The following PTBP3 variants were observed in gnomAD, a reference collection of about 807,000 sequenced individuals.
PTBP3 encodes polypyrimidine tract-binding protein 3.
PTBP3 carries 20 observed loss-of-function variants against 58.7 expected under a neutral mutation model. That is an observed-to-expected ratio of 0.34 (90% CI 0.24 to 0.50). The LOEUF is 0.50. Ranked by LOEUF, PTBP3 falls within the 20% of genes least tolerant of loss-of-function variation. PTBP3 has a pLI of 0.98. For missense variants in PTBP3, 509 were observed against 637.2 expected (o/e 0.80, Z 2.17); for synonymous variants, 185 against 219.8 (o/e 0.84, Z 1.40).
At chr9:112,368,198 C>T in the PTBP3 span, among the ~76,000 whole-genome samples, 21 of 152,000 alleles carry the variant, frequency 1.4e-4, no homozygotes, top group African/African-American at 4.6e-4. Context: ...TGAGACAGAG[C>T]GTCATTCTGT....
At chr9:112,302,983 T>A (rs1829017332) in intron 1 of PTBP3, among the ~76,000 whole-genome samples, 1 of 152,200 alleles carries the variant, frequency 6.6e-6, no homozygotes. Flanking sequence ...TTTTTCTCAT[T>A]CGATAAACTG....
intron 2 of PTBP3, among the ~76,000 whole-genome samples, chr9:112,296,039 T>C (rs1828673375): frequency 1.3e-5 from 2 of 152,226 alleles, no homozygotes; most frequent in Non-Finnish European, 2.9e-5. Context: ...AATGGTTTTT[T>C]AGCTCATCAG....
At chr9:112,325,412 A>C (rs1348112989) in intron 1 of PTBP3, among the ~76,000 whole-genome samples, 1 of 152,112 alleles carries the variant, frequency 6.6e-6, no homozygotes, top group Non-Finnish European at 1.5e-5. Flanking sequence ...CTGAGGTGGA[A>C]GCCAGCTGGC....
At chr9:112,355,603 T>G in the PTBP3 span, among the ~76,000 whole-genome samples, 1 of 151,660 alleles carries the variant, frequency 6.6e-6, no homozygotes, top group African/African-American at 2.4e-5. Context: ...GATTACAAAA[T>G]GGCTAAGAAC....
At chr9:112,288,996 G>A (rs1287172318) in intron 2 of PTBP3, among the ~76,000 whole-genome samples, 2 of 152,144 alleles carry the variant, frequency 1.3e-5, no homozygotes, top group Admixed American at 1.3e-4. Flanking sequence ...GTTTTCCAAC[G>A]TTTGTTTTCT....
Position 112,221,451 on chromosome 9 carries a change from G to A in PTBP3, c.*2400C>T, listed in dbSNP as rs1834803477. On this transcript the variant is annotated 3_prime_UTR_variant, in exon 14 of 14. Coordinates refer to ENST00000374257, the MANE Select transcript of PTBP3 (RefSeq NM_001163788.4). Reference sequence around the variant, plus strand: ...TTATGCTGAATGTTATGAGAATCATGAATTAATAAATTACACAGTAATTCC... The same window carrying A: ...TTATGCTGAATGTTATGAGAATCATAAATTAATAAATTACACAGTAATTCC... The A allele has an allele frequency of 1.0e-6, 1 of 985,456 alleles. No individual in the cohort carries two copies. The highest frequency in any genetic ancestry group is 1.7e-5 in the African/African-American group (1 of 57,280). 61.0% of individuals were successfully genotyped at this position (985,456 alleles called of 1,614,324 possible). A position where few individuals can be genotyped will look rare whatever the true frequency, so the allele number is the denominator to read the frequency against.
In PTBP3 at chr9:112,297,867, G is replaced by A. The variant is rs2132314657; in HGVS notation, c.-2C>T. ...TGTAGAAGGAGTAGAACTATTCATG[G>A]TAAAAGGTCCGTTAATGATGCCAGA... On this transcript the variant is annotated 5_prime_UTR_variant, in exon 2 of 14. Transcript: ENST00000374257. 1.9e-6 allele frequency: 3 copies of A among 1,611,806 alleles called. No individual in the cohort carries two copies. Among genetic ancestry groups the A allele is most frequent in the African/African-American group, 1.3e-5 (1 of 74,748 alleles).
intron 3 of PTBP3, among the ~76,000 whole-genome samples, chr9:112,270,188 CCA>C (rs2132170218): frequency 6.6e-6 from 1 of 152,262 alleles, no homozygotes; most frequent in Admixed American, 6.5e-5. Context: ...GCGATCCACC[CCA>C]GTCGGCCTCC....
chr9:112,291,782 G>A (rs1348434994), intron 2 of PTBP3, among the ~76,000 whole-genome samples: 1 of 152,120 alleles, frequency 6.6e-6, no homozygotes, highest in African/African-American at 2.4e-5. Context: ...GAGACAAAGG[G>A]GGAAAGCTTC....
the PTBP3 span, among the ~76,000 whole-genome samples, chr9:112,340,590 CTCT>C: frequency 6.6e-6 from 1 of 152,116 alleles, no homozygotes; most frequent in African/African-American, 2.4e-5. Context: ...GTTTTAAAAT[CTCT>C]TGTTTAGGGC....
intron 5 of PTBP3, among the ~76,000 whole-genome samples, chr9:112,256,947 A>G (rs963502865): frequency 6.6e-6 from 1 of 152,168 alleles, no homozygotes; most frequent in Non-Finnish European, 1.5e-5. Context: ...GATGTAAAAT[A>G]TATCATTAGT....
Position 112,223,021 on chromosome 9 carries a change from ATTT to A in PTBP3, c.*827_*829del, listed in dbSNP as rs1309605397. On this transcript the variant is annotated 3_prime_UTR_variant, in exon 14 of 14. Coordinates refer to ENST00000374257, the MANE Select transcript of PTBP3 (RefSeq NM_001163788.4). ...AAAAAAGTAGTTTATAAGTAGGATT[ATTT>A]TTCTTTAAAATTTTCCAAGATCATA... The A allele has an allele frequency of 4.1e-5, 35 of 850,786 alleles. No homozygotes were observed. Among genetic ancestry groups the A allele is most frequent in the Non-Finnish European group, 1.1e-5 (8 of 707,314 alleles). 52.7% of individuals were successfully genotyped at this position (850,786 alleles called of 1,614,324 possible).
the PTBP3 span, among the ~76,000 whole-genome samples, chr9:112,377,456 AAGAT>A: frequency 6.6e-6 from 1 of 152,218 alleles, no homozygotes; most frequent in African/African-American, 2.4e-5. Flanking sequence ...GCATTCTAGA[AAGAT>A]CATGCTGCTG....
chr9:112,289,391 T>G (rs935351019), intron 2 of PTBP3, among the ~76,000 whole-genome samples: 1 of 152,128 alleles, frequency 6.6e-6, no homozygotes, highest in Admixed American at 6.5e-5. Context: ...ATTTAAGTTT[T>G]ATTTGATAAA....
intron 11 of PTBP3, among the ~76,000 whole-genome samples, chr9:112,228,022 A>C (rs1483820671): frequency 6.6e-6 from 1 of 152,206 alleles, no homozygotes; most frequent in Non-Finnish European, 1.5e-5. Context: ...TCATCATTAC[A>C]AAGTTTGCCC....
chr9:112,237,414 G>A (rs1365928633), intron 7 of PTBP3, among the ~76,000 whole-genome samples: 1 of 151,956 alleles, frequency 6.6e-6, no homozygotes, highest in African/African-American at 2.4e-5. Flanking sequence ...CACCATGATA[G>A]CAACCAAGGC....
At chr9:112,228,546 TA>T in intron 10 of PTBP3, 74 bp from the exon 11 acceptor site, 1 of 971,064 alleles carries the variant, frequency 1.0e-6, no homozygotes, top group South Asian at 1.9e-5. Flanking sequence ...CTAATATACT[TA>T]AAGAAGGCAT....
the PTBP3 span, among the ~76,000 whole-genome samples, chr9:112,368,110 T>A: frequency 6.6e-6 from 1 of 152,200 alleles, no homozygotes; most frequent in African/African-American, 2.4e-5. Context: ...TCCTCCCACC[T>A]CAGCCTCTCT....
chr9:112,299,667 T>A (rs1371372141), intron 1 of PTBP3, among the ~76,000 whole-genome samples: 1 of 152,188 alleles, frequency 6.6e-6, no homozygotes, highest in Non-Finnish European at 1.5e-5. Context: ...TTCATCCCCA[T>A]CCATGGCCAT....
Sources: gnomAD v4.1 joint callset for allele counts (sites outside exome capture counted in the v4.1 genomes callset) on GRCh38, gnomAD v4.1.1 for gene constraint, MANE v1.5 for transcripts, NCBI Gene and HGNC (gene_info 2026-07-23, HGNC 2026-07-21) for gene names.